RYR2: variants seen among roughly 807,000 people sequenced by gnomAD.
RYR2 encodes the protein cardiac muscle ryanodine receptor-calcium release channel.
A neutral mutation model predicts 601.1 loss-of-function variants in RYR2; 227 were observed. That is an observed-to-expected ratio of 0.38 (90% CI 0.34 to 0.42). The LOEUF (loss-of-function observed/expected upper bound fraction) is 0.42, where lower values mean the gene tolerates loss of function less well. Among genes scored for constraint, RYR2 ranks in the 10% least tolerant of loss-of-function variants. RYR2 has a pLI of 1.00. For synonymous variants in RYR2, 2,223 were observed against 2,175.1 expected (o/e 1.02, Z -0.61); for missense variants, 4,646 against 6,156.5 (o/e 0.75, Z 8.21).
At chr1:237,631,680 G>C (rs1331233224) in intron 42 of RYR2, 139 bp downstream of exon 42, 5 of 435,074 alleles carry the variant, frequency 1.1e-5, no homozygotes, top group African/African-American at 9.6e-5. Flanking sequence ...CCAGGCTGGA[G>C]TGCAGTGCAC....
At position 237,610,339 on chromosome 1, in the gene RYR2, G is replaced by C. The variant is rs1178677923; in HGVS notation, c.4684-423G>C. 6.6e-6 allele frequency among the ~76,000 whole-genome samples: 1 copy of C among 152,228 alleles called. No homozygotes were observed. Among genetic ancestry groups the C allele is most frequent in the African/African-American group, 2.4e-5 (1 of 41,442 alleles). On this transcript the variant is annotated intron_variant, in intron 35 of 104. Transcript: ENST00000366574. This position sits in a 1 kb window ranked among gnomAD's most constrained non-coding sequence, Gnocchi z 4.9. ...TGTCTTAAGGACGAGTTGGGTGACAGAGAACAGATATTGAGAGAGAGAGCC... is the reference window on the plus strand; with the variant it reads ...TGTCTTAAGGACGAGTTGGGTGACACAGAACAGATATTGAGAGAGAGAGCC...
chr1:237,474,603 A>C lies in RYR2; in HGVS notation c.1708+5416A>C, dbSNP rs573249657. On this transcript the variant is annotated intron_variant, in intron 17 of 104. Coordinates refer to ENST00000366574, the MANE Select transcript of RYR2 (RefSeq NM_001035.3). ...GAAAAGCAAAATTCTCAAAATCTTA[A>C]CCTCACTTAAAACTGCGGGTGCCCA... Among the ~76,000 whole-genome samples the C allele has an allele frequency of 1.4e-4, 22 of 152,068 alleles. No individual in the cohort carries two copies. The South Asian group carries it at 4.6e-3, about 32-fold the overall frequency.
chr1:237,721,399 T>A (rs1689706541), intron 73 of RYR2, among the ~76,000 whole-genome samples: 1 of 152,226 alleles, frequency 6.6e-6, no homozygotes, highest in Non-Finnish European at 1.5e-5. Context: ...CTAGGCACTC[T>A]CAGTCTGGGA....
In RYR2 at chr1:237,707,231, T is replaced by C; in HGVS notation, c.9863T>C (p.Leu3288Ser). Residue 3288 changes from leucine to serine, a missense_variant, in exon 68 of 105, where the codon TTG (leucine) becomes TCG (serine). Around this residue, in one of 17 missense-constraint regions of RYR2, gnomAD observed 1,497 missense variants for 1,842.6 expected, o/e 0.81. Coordinates refer to ENST00000366574, the MANE Select transcript of RYR2 (RefSeq NM_001035.3). ...ATATTGAAAATCATATATAATAACT[T>C]GGGGATTGATGAGGGAGCCTGGATG... Reference protein sequence around the residue: ...GNILKIIYNNLGIDEGAWMKR... With the variant: ...GNILKIIYNNSGIDEGAWMKR... 1 of 1,572,476 alleles carries C rather than the reference T, an allele frequency of 6.4e-7. No individual in the cohort carries two copies. The highest frequency in any genetic ancestry group is 8.7e-7 in the Non-Finnish European group (1 of 1,151,850).
chr1:237,129,669 T>C (rs1238612880), intron 1 of RYR2, among the ~76,000 whole-genome samples: 2 of 149,578 alleles, frequency 1.3e-5, no homozygotes, highest in African/African-American at 4.9e-5. Context: ...ATATATAGTA[T>C]GATATATAGT....
chr1:237,788,309 GC>G (rs1414769144), intron 92 of RYR2, among the ~76,000 whole-genome samples, 174 bp downstream of exon 92: 2 of 151,974 alleles, frequency 1.3e-5, no homozygotes, highest in Non-Finnish European at 2.9e-5. Flanking sequence ...AATGTCTCTG[GC>G]CCACCGCTCC....
intron 1 of RYR2, among the ~76,000 whole-genome samples, chr1:237,265,051 A>T (rs1229585451): frequency 6.6e-6 from 1 of 152,126 alleles, no homozygotes; most frequent in Non-Finnish European, 1.5e-5. Flanking sequence ...CATGATAACA[A>T]TTGAAGAAAC....
At chr1:237,178,374 C>A (rs1193450131) in intron 1 of RYR2, among the ~76,000 whole-genome samples, 5 of 145,452 alleles carry the variant, frequency 3.4e-5, no homozygotes, top group Non-Finnish European at 4.5e-5. Flanking sequence ...GTTGTTAAGG[C>A]TTTTTTGTTT....
chr1:237,698,104 TAGTGTG>T (rs1342056899), intron 63 of RYR2, among the ~76,000 whole-genome samples: 13 of 99,692 alleles, frequency 1.3e-4, no homozygotes, highest in African/African-American at 3.8e-4. Flanking sequence ...CAGGAGATGA[TAGTGTG>T]TGTGTGTGTG....
chr1:237,388,565 T>C (rs150048308), intron 10 of RYR2, among the ~76,000 whole-genome samples: 3 of 152,302 alleles, frequency 2.0e-5, no homozygotes, highest in African/African-American at 4.8e-5. Context: ...AGTTCTCAAA[T>C]TGCGTACAAT....
intron 43 of RYR2, 61 bp from the exon 44 acceptor site, chr1:237,634,828 G>A (rs1340697467): frequency 4.0e-6 from 5 of 1,257,384 alleles, no homozygotes; most frequent in South Asian, 1.3e-5. Context: ...GTATATTTTT[G>A]TATGGAGTTT....
At chr1:237,678,401 T>C (rs1310057250) in intron 61 of RYR2, among the ~76,000 whole-genome samples, 1 of 152,226 alleles carries the variant, frequency 6.6e-6, no homozygotes, top group Non-Finnish European at 1.5e-5. Context: ...ATAAAAAATA[T>C]CTATTTCTTA....
intron 1 of RYR2, among the ~76,000 whole-genome samples, chr1:237,136,706 G>A (rs1672818928): frequency 6.6e-6 from 1 of 152,032 alleles, no homozygotes; most frequent in Non-Finnish European, 1.5e-5. Flanking sequence ...AACAGTTATA[G>A]GTTGGTGGTT....
chr1:237,149,445 A>G (rs1674457164), intron 1 of RYR2, among the ~76,000 whole-genome samples: 1 of 152,222 alleles, frequency 6.6e-6, no homozygotes, highest in African/African-American at 2.4e-5. Context: ...TGTGTTGATG[A>G]GATTTAGCAG....
chr1:237,102,282 G>A (rs539699240), intron 1 of RYR2, among the ~76,000 whole-genome samples: 2 of 152,298 alleles, frequency 1.3e-5, no homozygotes, highest in East Asian at 3.9e-4. Flanking sequence ...TTTGTTTACA[G>A]GCGAGGTGCT....
At chr1:237,654,456 G>A in intron 52 of RYR2, 42 bp downstream of exon 52, 1 of 1,594,430 alleles carries the variant, frequency 6.3e-7, no homozygotes, top group Non-Finnish European at 8.6e-7. Flanking sequence ...CAATAAAATG[G>A]TATAGAGCCA....
At chr1:237,562,805 G>A (rs1005768176) in intron 27 of RYR2, among the ~76,000 whole-genome samples, 11 of 152,110 alleles carry the variant, frequency 7.2e-5, no homozygotes, top group Non-Finnish European at 1.5e-4. Flanking sequence ...GATGTTCGGG[G>A]GAGAGTTCTG....
chr1:237,307,832 T>C (rs1694027377), intron 2 of RYR2, among the ~76,000 whole-genome samples: 1 of 152,222 alleles, frequency 6.6e-6, no homozygotes, highest in Non-Finnish European at 1.5e-5. Flanking sequence ...TTGCTGTACT[T>C]AATATTTTTT....
intron 1 of RYR2, among the ~76,000 whole-genome samples, chr1:237,061,727 T>A (rs1662917779): frequency 6.6e-6 from 1 of 152,178 alleles, no homozygotes; most frequent in African/African-American, 2.4e-5. Context: ...CTGTTACTGA[T>A]GTTGTTAGTG....
Sources: gnomAD v4.1 joint callset for allele counts (sites outside exome capture counted in the v4.1 genomes callset) on GRCh38, gnomAD v4.1.1 for gene constraint, gnomAD v4.1.1 regional missense constraint, Gnocchi (gnomAD v3.1) non-coding constraint, MANE v1.5 for transcripts, NCBI Gene and HGNC (gene_info 2026-07-23, HGNC 2026-07-21) for gene names.